Variants in ZFPM2 observed in about 807,000 individuals in gnomAD.
The protein encoded by ZFPM2 is zinc finger protein, FOG family member 2.
In ZFPM2, 20 loss-of-function variants were observed where a neutral mutation model predicts 98.6. The observed-to-expected ratio is 0.20, with a 90% CI of 0.14 to 0.29. ZFPM2 has a LOEUF of 0.29. Among genes scored for constraint, ZFPM2 ranks in the 10% least tolerant of loss-of-function variants. The probability of loss-of-function intolerance (pLI) is 1.00; values close to 1 mark genes in which losing one functional copy is unlikely to be tolerated. For missense variants in ZFPM2, 1,310 were observed against 1,388.6 expected (o/e 0.94, Z 0.90); for synonymous variants, 518 against 502.7 (o/e 1.03, Z -0.41).
rs531154716 is a variant in ZFPM2 at position 105,498,171 on chromosome 8, C to T, written c.301+53790C>T. On this transcript the variant is annotated intron_variant, in intron 3 of 7. Transcript: ENST00000407775. Reference sequence around the variant, plus strand: ...TTTGATCATACCACTGCACTCCATCCTGGGTGACAGTGAGACCCCATCTCC... The same window carrying T: ...TTTGATCATACCACTGCACTCCATCTTGGGTGACAGTGAGACCCCATCTCC... Among the ~76,000 whole-genome samples, 12 of 152,148 alleles carry T rather than the reference C, an allele frequency of 7.9e-5. No individual in the cohort carries two copies. In the East Asian group the frequency reaches 2.3e-3, roughly 29 times the overall value.
chr8:105,629,596 T>C (rs1214650557), intron 4 of ZFPM2, among the ~76,000 whole-genome samples: 1 of 152,194 alleles, frequency 6.6e-6, no homozygotes, highest in Non-Finnish European at 1.5e-5. Context: ...TTTGCCAGAC[T>C]AAAATCAAGG....
rs1378673225 is a variant in ZFPM2 at position 105,634,259 on chromosome 8, A to G, written c.434A>G (p.Gln145Arg). 2 of 1,612,084 alleles carry G rather than the reference A, an allele frequency of 1.2e-6. No homozygotes were observed. Among genetic ancestry groups the G allele is most frequent in the Admixed American group, 3.3e-5 (2 of 59,800 alleles). ...LNNNSLKTKA[Q>R]VPMVLTAGPK... ...TTCTTTCTACAGAAGACAAAGGCTC[A>G]GGTCCCAATGGTGCTGACTGCTGGT... Residue 145 changes from glutamine to arginine, a missense_variant, in exon 5 of 8, where the codon CAG becomes CGG. Gln to Arg is a conservative substitution (Grantham distance 43). Coordinates refer to ENST00000407775, the MANE Select transcript of ZFPM2 (RefSeq NM_012082.4).
intron 5 of ZFPM2, among the ~76,000 whole-genome samples, chr8:105,668,269 A>C (rs1380291865): frequency 6.6e-6 from 1 of 152,218 alleles, no homozygotes; most frequent in East Asian, 1.9e-4. Context: ...TTCAAAATAA[A>C]AAGGATTTTT....
At chr8:105,795,246 T>TTGTGTGTGTGTGTGTGTGTGTGTGTG (rs780534248) in intron 6 of ZFPM2, among the ~76,000 whole-genome samples, 1 of 138,228 alleles carries the variant, frequency 7.2e-6, no homozygotes, top group African/African-American at 2.8e-5. Context: ...CATTTTATCT[T>TTGTGTGTGTGTGTGTGTGTGTGTGTG]TGTGTGTGTG....
At chr8:105,515,422 T>C (rs1462421583) in intron 3 of ZFPM2, among the ~76,000 whole-genome samples, 1 of 152,190 alleles carries the variant, frequency 6.6e-6, no homozygotes, top group East Asian at 1.9e-4. Flanking sequence ...TGATCTTCAC[T>C]ACCCTATGAA....
chr8:105,677,414 C>G (rs1251027587), intron 5 of ZFPM2, among the ~76,000 whole-genome samples: 1 of 152,094 alleles, frequency 6.6e-6, no homozygotes, highest in East Asian at 1.9e-4. Context: ...CACATGCCAC[C>G]TCCAGAGTCC....
intron 1 of ZFPM2, 57 bp downstream of exon 1, chr8:105,319,038 GC>G: frequency 1.4e-6 from 2 of 1,461,458 alleles, no homozygotes; most frequent in Non-Finnish European, 1.8e-6. Context: ...AGCGGGGTGC[GC>G]GGGACGGGAA....
At chr8:105,570,108 A>G (rs972024138) in intron 4 of ZFPM2, among the ~76,000 whole-genome samples, 1 of 151,986 alleles carries the variant, frequency 6.6e-6, no homozygotes, top group Non-Finnish European at 1.5e-5. Flanking sequence ...GAGGTTGTAG[A>G]TTTGTCCCTT....
intron 4 of ZFPM2, among the ~76,000 whole-genome samples, chr8:105,626,348 T>G (rs2130826007): frequency 6.6e-6 from 1 of 152,326 alleles, no homozygotes; most frequent in East Asian, 1.9e-4. Flanking sequence ...CAATTCACTG[T>G]CCCTAGAGAT....
At chr8:105,340,136 C>A (rs1386507835) in intron 1 of ZFPM2, among the ~76,000 whole-genome samples, 1 of 151,814 alleles carries the variant, frequency 6.6e-6, no homozygotes, top group African/African-American at 2.4e-5. Context: ...AATGAAGGAG[C>A]CATTGCAATG....
At chr8:105,538,907 C>T (rs959790648) in intron 3 of ZFPM2, among the ~76,000 whole-genome samples, 3 of 151,998 alleles carry the variant, frequency 2.0e-5, no homozygotes, top group African/African-American at 7.3e-5. Context: ...CCCAGCTACT[C>T]GGGAGGCTGA....
At position 105,798,831 on chromosome 8, in the gene ZFPM2, G is replaced by C; in HGVS notation, c.847G>C (p.Val283Leu). Residue 283 changes from valine to leucine, a missense_variant, in exon 7 of 8, where the codon GTG (valine) becomes CTG (leucine). Transcript: ENST00000407775. ...TGGGAGGCAAAGAGAAGCTGCTCCG[G>C]TGTCAGAGGAAAATGAAGACAGTGC... ...CSGRQREAAP[V>L]SEENEDSAHQ... 1 of 1,613,936 alleles carries C rather than the reference G, an allele frequency of 6.2e-7. No homozygotes were observed. The highest frequency in any genetic ancestry group is 8.5e-7 in the Non-Finnish European group (1 of 1,179,878).
intron 1 of ZFPM2, among the ~76,000 whole-genome samples, chr8:105,406,986 A>C (rs1274123465): frequency 6.6e-6 from 1 of 151,916 alleles, no homozygotes; most frequent in Non-Finnish European, 1.5e-5. Flanking sequence ...GGAATGAGGA[A>C]GGTGGTGTGG....
At chr8:105,418,672 G>A (rs947740121) in intron 1 of ZFPM2, 1 of 505,000 alleles carries the variant, frequency 2.0e-6, no homozygotes, top group African/African-American at 2.0e-5. Context: ...CTCTTAAGAT[G>A]GATTTTTAAA....
intron 5 of ZFPM2, among the ~76,000 whole-genome samples, chr8:105,767,273 G>A (rs191919410): frequency 6.6e-5 from 10 of 151,980 alleles, no homozygotes; most frequent in Admixed American, 2.0e-4. Flanking sequence ...AGCAATGCAC[G>A]CAAAATATTC....
At chr8:105,333,802 A>G (rs1246635592) in intron 1 of ZFPM2, among the ~76,000 whole-genome samples, 1 of 151,672 alleles carries the variant, frequency 6.6e-6, no homozygotes, top group Non-Finnish European at 1.5e-5. Flanking sequence ...ATGAAAAAAA[A>G]TCAGTATGGC....
chr8:105,481,323 C>T (rs746993790), intron 3 of ZFPM2, among the ~76,000 whole-genome samples: 10 of 152,036 alleles, frequency 6.6e-5, no homozygotes, highest in South Asian at 4.1e-4. Context: ...TTTATTTTCT[C>T]GCAGTTCTGG....
intron 5 of ZFPM2, among the ~76,000 whole-genome samples, chr8:105,738,494 GT>G (rs1812138786): frequency 6.6e-6 from 1 of 152,036 alleles, no homozygotes; most frequent in African/African-American, 2.4e-5. Flanking sequence ...GCAGACATGT[GT>G]CTTTATGATG....
intron 4 of ZFPM2, among the ~76,000 whole-genome samples, chr8:105,562,370 A>G (rs1815158820): frequency 6.6e-6 from 1 of 152,024 alleles, no homozygotes; most frequent in Non-Finnish European, 1.5e-5. Flanking sequence ...AAAGGTAGGT[A>G]GTTTGGTTAC....
Sources: allele counts gnomAD v4.1 joint callset (sites outside exome capture counted in the v4.1 genomes callset), GRCh38; gene constraint gnomAD v4.1.1; transcripts MANE v1.5; gene names NCBI Gene and HGNC (gene_info 2026-07-23, HGNC 2026-07-21).